Variants in DNAJC13 observed in about 807,000 individuals in gnomAD.
The protein encoded by DNAJC13 is dnaJ homolog subfamily C member 13.
DNAJC13 carries 75 observed loss-of-function variants against 290.5 expected under a neutral mutation model. The observed-to-expected ratio is 0.26, with a 90% CI of 0.21 to 0.31. The LOEUF is 0.31. Among genes scored for constraint, DNAJC13 ranks in the 10% least tolerant of loss-of-function variants. DNAJC13 has a pLI of 1.00. For missense variants in DNAJC13, 2,260 were observed against 2,674.5 expected (o/e 0.85, Z 3.42); for synonymous variants, 862 against 892.0 (o/e 0.97, Z 0.60).
In DNAJC13 at chr3:132,523,644, A is replaced by G. The variant is rs1936164772; in HGVS notation, c.5991A>G (p.Arg1997=). The G allele has an allele frequency of 3.7e-6, 6 of 1,613,978 alleles. No homozygotes were observed. The highest frequency in any genetic ancestry group is 5.1e-6 in the Non-Finnish European group (6 of 1,179,984). ...IFIAQPAWVL[R]KPREFLIALL... ...TTGCACAACCAGCCTGGGTTCTAAG[A>G]AAGCCTAGAGAATTTCTTATTGCCC... Residue 1997 remains arginine (R), a synonymous_variant, in exon 51 of 56, where the codon AGA becomes AGG. Transcript: ENST00000260818.
At chr3:132,470,959 G>A in intron 20 of DNAJC13, among the ~76,000 whole-genome samples, 2 of 123,592 alleles carry the variant, frequency 1.6e-5, no homozygotes, top group Non-Finnish European at 3.6e-5. Flanking sequence ...TTCCCAGTAG[G>A]GGCGGCCGGG....
At chr3:132,456,012 G>T (rs1247236664) in intron 9 of DNAJC13, among the ~76,000 whole-genome samples, 1 of 152,178 alleles carries the variant, frequency 6.6e-6, no homozygotes, top group Middle Eastern at 3.2e-3. Flanking sequence ...GAGAGAAAGA[G>T]AAATTAAAAT....
At chr3:132,506,040 A>ATTTTTTTTT (rs1935573217) in intron 42 of DNAJC13, among the ~76,000 whole-genome samples, 1 of 73,376 alleles carries the variant, frequency 1.4e-5, no homozygotes, top group Non-Finnish European at 2.6e-5. Flanking sequence ...ATGTCTGTAC[A>ATTTTTTTTT]TTATCTTTTT....
intron 51 of DNAJC13, 116 bp downstream of exon 51, chr3:132,523,829 T>C (rs1936170397): frequency 2.0e-6 from 2 of 1,006,026 alleles, no homozygotes; most frequent in Admixed American, 5.9e-5. Context: ...GCTCTTTCAA[T>C]ATAGCAGCCA....
At chr3:132,512,895 A>C in intron 44 of DNAJC13, 113 bp from the exon 45 acceptor site, 3 of 857,922 alleles carry the variant, frequency 3.5e-6, no homozygotes, top group Non-Finnish European at 5.6e-6. Context: ...GATGTTTAGA[A>C]CCAGTTATCA....
At chr3:132,455,395 G>C (rs913372145) in intron 9 of DNAJC13, among the ~76,000 whole-genome samples, 4 of 152,286 alleles carry the variant, frequency 2.6e-5, no homozygotes, top group African/African-American at 9.6e-5. Context: ...TGGTAAGAAG[G>C]TAAAATGATA....
At chr3:132,516,541 G>A (rs746858980) in intron 47 of DNAJC13, 45 bp downstream of exon 47, 1 of 1,595,696 alleles carries the variant, frequency 6.3e-7, no homozygotes, top group Non-Finnish European at 8.6e-7. Context: ...GCAATATAAT[G>A]AAGCTTATTT....
chr3:132,511,415 G>A (rs1174194734), intron 44 of DNAJC13, among the ~76,000 whole-genome samples, 171 bp downstream of exon 44: 1 of 152,140 alleles, frequency 6.6e-6, no homozygotes, highest in East Asian at 1.9e-4. Context: ...AAGTTAAGCT[G>A]GGGAGAGAGG....
At chr3:132,418,623 G>A (rs1173195514) in intron 1 of DNAJC13, among the ~76,000 whole-genome samples, 2 of 152,042 alleles carry the variant, frequency 1.3e-5, no homozygotes, top group Non-Finnish European at 2.9e-5. Context: ...ACGTTATTCT[G>A]ATTTCCCTCA....
chr3:132,535,826 T>C (rs148980466), intron 55 of DNAJC13, among the ~76,000 whole-genome samples: 85 of 152,296 alleles, frequency 5.6e-4, no homozygotes, highest in African/African-American at 1.9e-3. Flanking sequence ...AACTGCCCTA[T>C]TCTGTGCAAA....
chr3:132,511,205 G>T lies in DNAJC13; in HGVS notation c.5254G>T (p.Ala1752Ser). 6.2e-7 allele frequency: 1 copy of T among 1,613,892 alleles called. No homozygotes were observed. The highest frequency in any genetic ancestry group is 2.2e-5 in the East Asian group (1 of 44,870). Residue 1752 changes from alanine (A) to serine (S), a missense_variant, in exon 44 of 56, where the codon GCT becomes TCT. Physicochemically the swap from Ala to Ser is moderately conservative, Grantham distance 99. Coordinates refer to ENST00000260818, the MANE Select transcript of DNAJC13 (RefSeq NM_015268.4). ...HGDRLPRVEM[A>S]LEALRNVIKY... is the part of the protein sequence containing the mutation. ...AGATCGCTTACCGAGAGTAGAAATG[G>T]CTTTGGAGGCTCTGAGAAATGTCAT...
intron 20 of DNAJC13, 46 bp from the exon 21 acceptor site, chr3:132,473,099 T>C: frequency 7.5e-7 from 1 of 1,331,942 alleles, no homozygotes; most frequent in Non-Finnish European, 1.1e-6. Flanking sequence ...ACTAAGCCTA[T>C]TTGGTAGCCC....
At chr3:132,489,111 A>T in intron 31 of DNAJC13, 90 bp downstream of exon 31, 1 of 1,003,454 alleles carries the variant, frequency 1.0e-6, no homozygotes, top group Non-Finnish European at 1.5e-6. Flanking sequence ...TGTTTACTAG[A>T]TTATAAGTAC....
intron 22 of DNAJC13, among the ~76,000 whole-genome samples, chr3:132,475,328 C>T (rs1048779513): frequency 3.3e-5 from 5 of 152,046 alleles, no homozygotes; most frequent in African/African-American, 1.2e-4. Context: ...TGATTCTGTG[C>T]ATTCCAAATC....
At chr3:132,480,573 T>A in intron 26 of DNAJC13, 103 bp downstream of exon 26, 1 of 837,860 alleles carries the variant, frequency 1.2e-6, no homozygotes, top group Non-Finnish European at 1.9e-6. Context: ...ACACACTTAT[T>A]TTTCCAGTAA....
chr3:132,449,281 G>T (rs2107662934), intron 5 of DNAJC13, among the ~76,000 whole-genome samples: 1 of 152,244 alleles, frequency 6.6e-6, no homozygotes. Context: ...CTTCTTGGTT[G>T]GCCCCTGCAA....
Position 132,434,612 on chromosome 3 carries a change from G to A in DNAJC13, c.62G>A (p.Arg21Lys). Residue 21 changes from arginine to lysine, a missense_variant, in exon 2 of 56, where the codon AGG (arginine) becomes AAG (lysine). Physicochemically the swap from Arg to Lys is conservative, Grantham distance 26. Transcript: ENST00000260818. ...ACFYTTKHSWRGKYKRVFSVG... is the reference protein window; with the variant it reads ...ACFYTTKHSWKGKYKRVFSVG... ...TTCTACACAACAAAACATTCATGGA[G>A]GGGGAAGTAAGTATTCTTGTTGGGT... is the stretch of plus-strand genomic sequence containing the variant. The A allele has an allele frequency of 6.2e-7, 1 of 1,604,940 alleles. No individual in the cohort carries two copies.
rs368650823 is a variant in DNAJC13 at position 132,487,954 on chromosome 3, G to A, written c.3268-344G>A. Among the ~76,000 whole-genome samples the A allele has an allele frequency of 3.9e-5, 6 of 152,180 alleles. No homozygotes were observed. In the South Asian group the frequency reaches 1.2e-3, roughly 32 times the overall value. The stretch of plus-strand genomic sequence containing the variant: ...CTCAAGAAGCCTTCAGGGGATTCTT[G>A]TGTCAGCTCAGCTGAGTTGAAACAA... On this transcript the variant is annotated intron_variant, in intron 29 of 55. Coordinates refer to ENST00000260818, the MANE Select transcript of DNAJC13 (RefSeq NM_015268.4).
In DNAJC13 at chr3:132,486,335, C is replaced by T. The variant is rs1934876257; in HGVS notation, c.3267+1663C>T. ...ACCCTCTCAACATGTGGATAAAACA[C>T]CACACCCAAAAGATCAACCGCTCCC... On this transcript the variant is annotated intron_variant, in intron 29 of 55. Coordinates refer to ENST00000260818, the MANE Select transcript of DNAJC13 (RefSeq NM_015268.4). 2.6e-5 allele frequency among the ~76,000 whole-genome samples: 4 copies of T among 151,952 alleles called. No individual in the cohort carries two copies. In the South Asian group the frequency reaches 8.3e-4, roughly 32 times the overall value.
Sources: allele counts gnomAD v4.1 joint callset (sites outside exome capture counted in the v4.1 genomes callset), GRCh38; gene constraint gnomAD v4.1.1; transcripts MANE v1.5; gene names NCBI Gene and HGNC (gene_info 2026-07-23, HGNC 2026-07-21).